The following TSBP1 variants were observed in gnomAD, a reference collection of about 807,000 sequenced individuals.
The protein encoded by TSBP1 is testis-expressed basic protein 1.
In TSBP1, 56 loss-of-function variants were observed where a neutral mutation model predicts 68.8. That is an observed-to-expected ratio of 0.81 (90% CI 0.66 to 1.02). The LOEUF (loss-of-function observed/expected upper bound fraction) is 1.02. Ranked by LOEUF, TSBP1 falls within the 50% of genes least tolerant of loss-of-function variation. TSBP1 has a pLI of 0.00. For missense variants in TSBP1, 502 were observed against 641.2 expected (o/e 0.78, Z 2.34); for synonymous variants, 171 against 208.7 (o/e 0.82, Z 1.56).
chr6:32,300,731 G>T, intron 20 of TSBP1, 31 bp from the exon 24 acceptor site: 1 of 1,601,970 alleles, frequency 6.2e-7, no homozygotes, highest in Non-Finnish European at 8.5e-7. Context: ...CACATCAGTA[G>T]GTACTGGGCA....
rs1769533453 is a variant in TSBP1, at chr6:32,335,458, CTA to C, written c.452-3_452-2del. On this transcript the variant is annotated splice_acceptor_variant and splice_polypyrimidine_tract_variant and intron_variant, in intron 13 of 22. Coordinates refer to ENST00000612031, the Ensembl canonical transcript of TSBP1. LOFTEE classifies it high-confidence loss of function. The surrounding 1 kb of genome is among the most constrained non-coding windows in gnomAD (Gnocchi z 5.5). ...TTACCAATGGTTTTTTGAGAGAGCTCTAAAAAAAAAAGAGAAAAGAAATCAGT... is the reference window on the plus strand; with the variant it reads ...TTACCAATGGTTTTTTGAGAGAGCTCAAAAAAAAAGAGAAAAGAAATCAGT... The C allele has an allele frequency of 6.8e-7, 1 of 1,463,168 alleles. No homozygotes were observed. The highest frequency in any genetic ancestry group is 1.5e-5 in the African/African-American group (1 of 65,758). The allele number at this position is 1,463,168 out of a possible 1,614,324, so 90.6% of individuals were successfully genotyped here.
chr6:32,346,278 G>T lies in TSBP1; in HGVS notation c.349+3462C>A, dbSNP rs111368029. ...GATCCACCCGCCTCGGCCTCCCAAAGTGCTGGGATTACAGGCGTGAGCCAC... is the reference window on the plus strand; with the variant it reads ...GATCCACCCGCCTCGGCCTCCCAAATTGCTGGGATTACAGGCGTGAGCCAC... On this transcript the variant is annotated intron_variant, in intron 9 of 22. Coordinates refer to ENST00000612031, the Ensembl canonical transcript of TSBP1. Among the ~76,000 whole-genome samples the T allele has an allele frequency of 2.1e-4, 2 of 9,362 alleles. 1 individual carries two copies. The allele number at this position is 9,362 out of a possible 152,430, so 6.1% of individuals were successfully genotyped here. A position where few individuals can be genotyped will look rare whatever the true frequency, so the allele number is the denominator to read the frequency against.
chr6:32,346,817 C>T (rs3117131), intron 9 of TSBP1, among the ~76,000 whole-genome samples: 64,060 of 151,472 alleles, frequency 0.42, 14,397 homozygotes, highest in African/African-American at 0.55. Context: ...GCCTGGGTAA[C>T]GGAGTGAGAT....
At chr6:32,350,317 G>A (rs1051844308) in intron 8 of TSBP1, among the ~76,000 whole-genome samples, 2 of 152,150 alleles carry the variant, frequency 1.3e-5, no homozygotes. Context: ...AAGCTAAAGA[G>A]TCAAAGTAGT....
chr6:32,293,198 C>T lies in TSBP1; in HGVS notation c.1475G>A (p.Ser492Asn), dbSNP rs1764332224. Reference sequence around the variant, plus strand: ...ATCATTATTTCCTTTATCCTCAAAACTCTCCTTCTTTTCTTGGGCTTCCTG... The same window carrying T: ...ATCATTATTTCCTTTATCCTCAAAATTCTCCTTCTTTTCTTGGGCTTCCTG... The change falls in exon 23 of 23, where the codon AGT becomes AAT. Residue 492 changes from serine (S) to asparagine (N), a missense_variant. Ser to Asn is a conservative substitution (Grantham distance 46, BLOSUM62 1). Coordinates refer to ENST00000612031, the Ensembl canonical transcript of TSBP1. 7 of 1,611,900 alleles carry T rather than the reference C, an allele frequency of 4.3e-6. No individual in the cohort carries two copies. The East Asian group carries it at 1.3e-4, about 31-fold the overall frequency.
intron 1 of TSBP1, among the ~76,000 whole-genome samples, chr6:32,371,448 C>T (rs1319832433): frequency 6.6e-6 from 1 of 152,120 alleles, no homozygotes; most frequent in Non-Finnish European, 1.5e-5. Flanking sequence ...TGGTTATTTT[C>T]TTTGTTCAGT....
At position 32,330,518 on chromosome 6, in the gene TSBP1, AG is replaced by A; in HGVS notation, c.514+70del. The A allele has an allele frequency of 1.1e-5, 15 of 1,421,080 alleles. No homozygotes were observed. The South Asian group carries it at 1.8e-4, about 18-fold the overall frequency. 88.0% of individuals were successfully genotyped at this position (1,421,080 alleles called of 1,614,324 possible). On this transcript the variant is annotated intron_variant, in intron 16 of 22. Coordinates refer to ENST00000612031, the Ensembl canonical transcript of TSBP1. ...GAGACACATCTAGGGCATTTGAGAC[AG>A]GGAACAGGCCCTCTAGACACTGTAG...
intron 22 of TSBP1, among the ~76,000 whole-genome samples, chr6:32,294,662 G>A (rs911140849): frequency 7.2e-5 from 11 of 152,174 alleles, no homozygotes; most frequent in Non-Finnish European, 1.5e-4. Context: ...TATGTAATCA[G>A]TAGGTGGTGG....
At chr6:32,303,012 C>T (rs145168551) in intron 19 of TSBP1, among the ~76,000 whole-genome samples, 19 of 152,278 alleles carry the variant, frequency 1.2e-4, no homozygotes, top group Admixed American at 1.3e-4. Context: ...CAAAGATGGC[C>T]CTGGAAGATC....
At chr6:32,327,241 A>G (rs1038219822) in intron 16 of TSBP1, among the ~76,000 whole-genome samples, 2 of 152,258 alleles carry the variant, frequency 1.3e-5, no homozygotes, top group Non-Finnish European at 2.9e-5. Flanking sequence ...CAGGCCCTAT[A>G]GGAAGCCAAA....
intron 4 of TSBP1, among the ~76,000 whole-genome samples, chr6:32,367,584 G>A (rs920443856): frequency 3.9e-5 from 6 of 152,160 alleles, no homozygotes; most frequent in African/African-American, 1.4e-4. Context: ...GGCTTTCAAA[G>A]TGTATTTTCA....
chr6:32,369,932 A>G (rs1179980126), exon 2 of TSBP1: 4 of 1,612,334 alleles, frequency 2.5e-6, no homozygotes, highest in Non-Finnish European at 3.4e-6. Context: ...TGTTAACAAA[A>G]TAGCCAGGAT....
In TSBP1 at chr6:32,343,193, A is replaced by G. The variant is rs1770573834; in HGVS notation, c.350-3555T>C. The G allele has an allele frequency of 5.6e-6, 7 of 1,253,158 alleles. No homozygotes were observed. Among genetic ancestry groups the G allele is most frequent in the Non-Finnish European group, 7.3e-6 (7 of 959,006 alleles). The allele number at this position is 1,253,158 out of a possible 1,614,324, so 77.6% of individuals were successfully genotyped here. ...CAGGGAGAAGTCCTCTGCCTAGCAT[A>G]GGAGCCCAACAACACCAGAGTTTGA... On this transcript the variant is annotated intron_variant, in intron 9 of 22. Transcript: ENST00000612031. The surrounding 1 kb of genome is among the most constrained non-coding windows in gnomAD (Gnocchi z 4.3).
At chr6:32,346,955 G>A (rs1771084716) in intron 9 of TSBP1, among the ~76,000 whole-genome samples, 1 of 152,156 alleles carries the variant, frequency 6.6e-6, no homozygotes, top group African/African-American at 2.4e-5. Flanking sequence ...TTAATAATGT[G>A]TTATATTTGA....
At chr6:32,327,594 T>A (rs1768363353) in intron 16 of TSBP1, among the ~76,000 whole-genome samples, 1 of 152,176 alleles carries the variant, frequency 6.6e-6, no homozygotes. Flanking sequence ...CTTGAAACAC[T>A]TCTAGAGGTT....
rs1338288245 is a variant in TSBP1 at position 32,304,023 on chromosome 6, T to G, written c.581-1394A>C. Among the ~76,000 whole-genome samples, 1 of 152,178 alleles carries G rather than the reference T, an allele frequency of 6.6e-6. No homozygotes were observed. Among genetic ancestry groups the G allele is most frequent in the Non-Finnish European group, 1.5e-5 (1 of 68,024 alleles). On this transcript the variant is annotated intron_variant, in intron 19 of 22. Coordinates refer to ENST00000612031, the Ensembl canonical transcript of TSBP1. This position sits in a 1 kb window ranked among gnomAD's most constrained non-coding sequence, Gnocchi z 4.8. ...TCCCAGCATATTTTCCCAGCATTAT[T>G]TCCTCTGGCTTCTCTTTTGCAACTT...
At position 32,338,986 on chromosome 6, in the gene TSBP1, T is replaced by A. The variant is rs1207494357; in HGVS notation, c.402A>T (p.Gly134=). The A allele has an allele frequency of 6.2e-7, 1 of 1,611,864 alleles. No homozygotes were observed. The highest frequency in any genetic ancestry group is 8.5e-7 in the Non-Finnish European group (1 of 1,178,962). Residue 134 remains glycine (G), a synonymous_variant, in exon 11 of 23, where the codon GGA becomes GGT. Coordinates refer to ENST00000612031, the Ensembl canonical transcript of TSBP1. This position sits in a 1 kb window ranked among gnomAD's most constrained non-coding sequence, Gnocchi z 5.5. ...GGCAGAAAAAGAACTTACTCATGGC[T>A]CCTGCAGTTCTGGCTAAAATACAAA...
rs563966984 is a variant in TSBP1, at chr6:32,301,958, A to AAATAATAATAATAAT, written c.601+650_601+651insATTATTATTATTATT. The stretch of plus-strand genomic sequence containing the variant: ...TGGATTTTACATATTTAAATAGTTG[A>AAATAATAATAATAAT]AATCATCATCATAATAATAATAATA... On this transcript the variant is annotated intron_variant, in intron 20 of 22. Transcript: ENST00000612031. Among the ~76,000 whole-genome samples, 829 of 127,346 alleles carry AAATAATAATAATAAT rather than the reference A, an allele frequency of 6.5e-3. 4 individuals carry two copies. The highest frequency in any genetic ancestry group is 8.8e-3 in the Non-Finnish European group (560 of 63,278). The allele number at this position is 127,346 out of a possible 152,430, so 83.5% of individuals were successfully genotyped here.
rs1764352470 is a variant in TSBP1 at position 32,293,340 on chromosome 6, T to A, written c.1333A>T (p.Lys445Ter). 2 of 1,612,856 alleles carry A rather than the reference T, an allele frequency of 1.2e-6. No individual in the cohort carries two copies. The highest frequency in any genetic ancestry group is 3.3e-5 in the Admixed American group (2 of 59,988). ...CCTTTCAGTACACCTGCCTCACTCT[T>A]CTTTTCTTGGACCTCTTGTTCCTTT... is the stretch of plus-strand genomic sequence containing the variant. The change falls in exon 23 of 23, where the codon AAG (lysine) becomes TAG (stop). Residue 445 changes from lysine to a stop codon, truncating the protein, a stop_gained. Coordinates refer to ENST00000612031, the Ensembl canonical transcript of TSBP1. LOFTEE classifies it low-confidence loss of function (END_TRUNC).
Sources: gnomAD v4.1 joint callset for allele counts (sites outside exome capture counted in the v4.1 genomes callset) on GRCh38, gnomAD v4.1.1 for gene constraint, Gnocchi (gnomAD v3.1) non-coding constraint, MANE v1.5 for transcripts, NCBI Gene and HGNC (gene_info 2026-07-23, HGNC 2026-07-21) for gene names.